Variants in FHIT observed in about 807,000 individuals in gnomAD.
FHIT encodes fragile histidine triad diadenosine triphosphatase, also known as bis(5'-adenosyl)-triphosphatase.
FHIT carries 19 observed loss-of-function variants against 17.9 expected under a neutral mutation model. The ratio of observed to expected loss-of-function variants is 1.06; its 90% CI spans 0.74 to 1.56. The LOEUF is 1.56. Ranked by LOEUF, FHIT falls within the 40% of genes most tolerant of loss-of-function variation. The probability of loss-of-function intolerance (pLI) is 0.00; values close to 1 mark genes in which losing one functional copy is unlikely to be tolerated. For missense variants in FHIT, 248 were observed against 189.2 expected, an observed-to-expected ratio of 1.31 and a Z score of -1.82; for synonymous variants, 81 against 69.7, an observed-to-expected ratio of 1.16 and a Z score of -0.81.
At chr3:60,474,444 TTA>T (rs1322539967) in intron 5 of FHIT, among the ~76,000 whole-genome samples, 2 of 152,150 alleles carry the variant, frequency 1.3e-5, no homozygotes, top group Non-Finnish European at 2.9e-5. Flanking sequence ...CAGTTCAATT[TTA>T]TAGAGCTAAA....
chr3:60,448,463 C>T (rs192072285), intron 5 of FHIT, among the ~76,000 whole-genome samples: 7 of 152,218 alleles, frequency 4.6e-5, no homozygotes, highest in Admixed American at 1.3e-4. Context: ...AGGCACTGTG[C>T]CAAGGATATT....
intron 5 of FHIT, among the ~76,000 whole-genome samples, chr3:60,265,999 TAA>T (rs1233476534): frequency 6.6e-6 from 1 of 151,856 alleles, no homozygotes; most frequent in Non-Finnish European, 1.5e-5. Context: ...ATTATATACA[TAA>T]AGATAGTATA....
At chr3:60,300,486 A>AAT (rs896034018) in intron 5 of FHIT, among the ~76,000 whole-genome samples, 6 of 152,108 alleles carry the variant, frequency 3.9e-5, no homozygotes, top group African/African-American at 9.7e-5. Flanking sequence ...ATATCACTTA[A>AAT]ATATTCAGGC....
intron 5 of FHIT, among the ~76,000 whole-genome samples, chr3:60,132,709 T>C (rs951560573): frequency 6.6e-6 from 1 of 152,194 alleles, no homozygotes; most frequent in African/African-American, 2.4e-5. Context: ...CATTTTCCCC[T>C]GATTGTCTCT....
rs138143844 is a variant in FHIT at position 60,222,214 on chromosome 3, GCATTCATTCATT to G, written c.104-208074_104-208063del. On this transcript the variant is annotated intron_variant, in intron 5 of 9. Coordinates refer to ENST00000492590, the MANE Select transcript of FHIT (RefSeq NM_002012.4). ...CATTCTCTCTTATTTATTTATTCAT[GCATTCATTCATT>G]CATTCATTCATTCATTCTGAGCCAG... Among the ~76,000 whole-genome samples, 873 of 151,816 alleles carry G rather than the reference GCATTCATTCATT, an allele frequency of 5.8e-3. 5 individuals are homozygous for G. The highest frequency in any genetic ancestry group is 8.9e-3 in the Non-Finnish European group (604 of 67,972).
At chr3:60,114,162 T>C (rs1704839254) in intron 5 of FHIT, among the ~76,000 whole-genome samples, 1 of 148,142 alleles carries the variant, frequency 6.8e-6, no homozygotes, top group African/African-American at 2.5e-5. Flanking sequence ...TGTAAATTAC[T>C]TACTTAATCC....
At chr3:60,495,675 T>G (rs1202696662) in intron 5 of FHIT, among the ~76,000 whole-genome samples, 1 of 152,158 alleles carries the variant, frequency 6.6e-6, no homozygotes, top group Non-Finnish European at 1.5e-5. Context: ...ATGTATTCAA[T>G]GCCATTCCTT....
intron 4 of FHIT, among the ~76,000 whole-genome samples, chr3:60,553,859 G>A (rs2036652663): frequency 6.6e-6 from 1 of 152,044 alleles, no homozygotes; most frequent in South Asian, 2.1e-4. Context: ...GCCTAGGAGG[G>A]CAGATCACTT....
intron 8 of FHIT, among the ~76,000 whole-genome samples, chr3:59,893,620 A>T (rs1008169111): frequency 1.3e-5 from 2 of 152,250 alleles, no homozygotes; most frequent in Non-Finnish European, 2.9e-5. Context: ...TTGTAAAAGG[A>T]AAAAGGAAAA....
At chr3:61,226,599 T>C (rs2039975926) in intron 1 of FHIT, among the ~76,000 whole-genome samples, 1 of 151,660 alleles carries the variant, frequency 6.6e-6, no homozygotes, top group South Asian at 2.1e-4. Context: ...GTGGGTCAAA[T>C]ACATGGTCAC....
intron 5 of FHIT, among the ~76,000 whole-genome samples, chr3:60,294,364 A>G (rs940153010): frequency 1.3e-5 from 2 of 152,186 alleles, no homozygotes; most frequent in African/African-American, 4.8e-5. Context: ...TCAGAGATGA[A>G]TCATTTGAAA....
intron 2 of FHIT, among the ~76,000 whole-genome samples, chr3:61,087,659 T>G (rs9871619): frequency 0.014 from 2,168 of 152,222 alleles, 50 homozygotes; most frequent in African/African-American, 0.049. Flanking sequence ...GAGCATCTGG[T>G]AAAATGCTAA....
intron 5 of FHIT, among the ~76,000 whole-genome samples, chr3:60,362,609 C>G (rs1699949398): frequency 6.6e-6 from 1 of 152,222 alleles, no homozygotes; most frequent in Non-Finnish European, 1.5e-5. Flanking sequence ...ACATGAGAAA[C>G]ATGAGATACA....
At chr3:60,564,082 T>C (rs1382397378) in intron 4 of FHIT, among the ~76,000 whole-genome samples, 2 of 152,162 alleles carry the variant, frequency 1.3e-5, no homozygotes, top group Non-Finnish European at 2.9e-5. Context: ...CTGCAGATGG[T>C]GACTTTAAGT....
intron 2 of FHIT, among the ~76,000 whole-genome samples, chr3:61,135,812 A>G (rs36045711): frequency 0.15 from 23,494 of 152,158 alleles, 2,357 homozygotes; most frequent in East Asian, 0.45. Context: ...CTAGAAATAC[A>G]GAAAATAAAG....
At chr3:60,859,855 C>A (rs1348617611) in intron 3 of FHIT, among the ~76,000 whole-genome samples, 1 of 137,434 alleles carries the variant, frequency 7.3e-6, no homozygotes, top group East Asian at 2.2e-4. Context: ...ACCAGCCTGG[C>A]CAACATGGTG....
intron 5 of FHIT, among the ~76,000 whole-genome samples, chr3:60,394,066 G>A (rs1701339637): frequency 1.3e-5 from 2 of 152,158 alleles, no homozygotes; most frequent in African/African-American, 4.8e-5. Context: ...GGCTTATGGT[G>A]TAAGCAAAGC....
chr3:60,292,688 C>T (rs759217735), intron 5 of FHIT, among the ~76,000 whole-genome samples: 3 of 151,958 alleles, frequency 2.0e-5, no homozygotes, highest in East Asian at 1.9e-4. Context: ...CACCAACTAA[C>T]GAAGACAGGA....
intron 3 of FHIT, among the ~76,000 whole-genome samples, chr3:60,991,436 G>T (rs924480298): frequency 1.3e-5 from 2 of 152,196 alleles, no homozygotes; most frequent in South Asian, 4.1e-4. Context: ...TCTCGGAAAT[G>T]ATAGATTCTA....
Sources: allele counts gnomAD v4.1 joint callset (sites outside exome capture counted in the v4.1 genomes callset), GRCh38; gene constraint gnomAD v4.1.1; transcripts MANE v1.5; gene names NCBI Gene and HGNC (gene_info 2026-07-23, HGNC 2026-07-21).